ZNF704: variants seen among roughly 807,000 people sequenced by gnomAD.
ZNF704 encodes the protein zinc finger protein 704, also known as glucocorticoid induced gene 1.
Under a neutral mutation model 44.7 loss-of-function variants are expected in ZNF704, and 10 were observed. The ratio of observed to expected loss-of-function variants is 0.22; its 90% confidence interval spans 0.14 to 0.38. The LOEUF (loss-of-function observed/expected upper bound fraction) is 0.38, where lower values mean the gene tolerates loss of function less well. Ranked by LOEUF, ZNF704 falls within the 10% of genes least tolerant of loss-of-function variation. The pLI is 1.00. For missense variants in ZNF704, 390 were observed against 545.5 expected (o/e 0.71, Z 2.84); for synonymous variants, 211 against 207.6 (o/e 1.02, Z -0.14).
chr8:80,667,722 T>C (rs974561910), intron 5 of ZNF704, among the ~76,000 whole-genome samples: 3 of 152,140 alleles, frequency 2.0e-5, no homozygotes, highest in African/African-American at 7.2e-5. Context: ...GGAGCTGACG[T>C]TGTTGTGGCA....
intron 2 of ZNF704, among the ~76,000 whole-genome samples, chr8:80,769,676 T>C (rs928711870): frequency 1.3e-5 from 2 of 152,210 alleles, no homozygotes; most frequent in African/African-American, 4.8e-5. Context: ...TACATACTGC[T>C]ATCAGCATTT....
At chr8:80,726,724 A>G (rs766935531) in intron 2 of ZNF704, among the ~76,000 whole-genome samples, 2 of 152,162 alleles carry the variant, frequency 1.3e-5, no homozygotes, top group Non-Finnish European at 2.9e-5. Flanking sequence ...TTTCCGTAAC[A>G]ACAGGTAAAA....
Position 80,629,105 on chromosome 8 carries a change from C to A in ZNF704, c.*12261G>T, listed in dbSNP as rs1412492053. ...AAAACAATGGAAAGCAAAAGAAATT[C>A]AAAAAATTGTTTTAGAGAACAGCAT... On this transcript the variant is annotated 3_prime_UTR_variant, in exon 9 of 9. Transcript: ENST00000327835. 1 of 151,684 alleles carries A rather than the reference C, an allele frequency of 6.6e-6. No individual in the cohort carries two copies. The highest frequency in any genetic ancestry group is 1.5e-5 in the Non-Finnish European group (1 of 67,922). The allele number at this position is 151,684 out of a possible 1,614,324, so 9.4% of individuals were successfully genotyped here. A position where few individuals can be genotyped will look rare whatever the true frequency, so the allele number is the denominator to read the frequency against.
chr8:80,641,238 G>C lies in ZNF704; in HGVS notation c.*128C>G, dbSNP rs1350303288. The C allele has an allele frequency of 1.9e-6, 1 of 521,214 alleles. No homozygotes were observed. Among genetic ancestry groups the C allele is most frequent in the African/African-American group, 1.9e-5 (1 of 52,184 alleles). The allele number at this position is 521,214 out of a possible 1,614,324, so 32.3% of individuals were successfully genotyped here. A position where few individuals can be genotyped will look rare whatever the true frequency, so the allele number is the denominator to read the frequency against. Reference sequence around the variant, plus strand: ...GTGTTTTTGCTGTTATTCCTCCAAGGTTCCTGAAAGGGCTTTTCCTGGCTT... The same window carrying C: ...GTGTTTTTGCTGTTATTCCTCCAAGCTTCCTGAAAGGGCTTTTCCTGGCTT... On this transcript the variant is annotated 3_prime_UTR_variant, in exon 9 of 9. Transcript: ENST00000327835.
At chr8:80,856,760 T>C (rs576643836) in intron 1 of ZNF704, among the ~76,000 whole-genome samples, 76 of 152,330 alleles carry the variant, frequency 5.0e-4, no homozygotes, top group African/African-American at 1.8e-3. Context: ...TCTCACTGTA[T>C]AGTAAGTTCT....
intron 4 of ZNF704, among the ~76,000 whole-genome samples, chr8:80,680,481 G>T (rs1818436323): frequency 6.6e-6 from 1 of 151,900 alleles, no homozygotes. Context: ...GGACAGAGAG[G>T]GCCAAGTTAT....
At chr8:80,829,453 T>A (rs1808432781) in intron 1 of ZNF704, among the ~76,000 whole-genome samples, 1 of 152,214 alleles carries the variant, frequency 6.6e-6, no homozygotes. Flanking sequence ...AGTATTACGT[T>A]AATTAAATAT....
At chr8:80,771,283 T>A (rs2129659633) in intron 2 of ZNF704, among the ~76,000 whole-genome samples, 1 of 151,862 alleles carries the variant, frequency 6.6e-6, no homozygotes, top group Admixed American at 6.6e-5. Context: ...AACCTGTATA[T>A]ATTTTTGTGA....
chr8:80,789,528 G>A (rs960772701), intron 2 of ZNF704, among the ~76,000 whole-genome samples: 1 of 152,100 alleles, frequency 6.6e-6, no homozygotes, highest in Admixed American at 6.6e-5. Context: ...GGGAGGATAG[G>A]TTGAGGATAA....
At chr8:80,641,572 A>AGG (rs1817744704) in intron 8 of ZNF704, 95 bp from the exon 9 acceptor site, 1 of 474,392 alleles carries the variant, frequency 2.1e-6, no homozygotes, top group African/African-American at 2.1e-5. Flanking sequence ...GAGGGAGGAA[A>AGG]AAAAAAAAAA....
chr8:80,779,256 T>C (rs1467508865), intron 2 of ZNF704, among the ~76,000 whole-genome samples: 6 of 152,190 alleles, frequency 3.9e-5, no homozygotes, highest in Admixed American at 6.5e-5. Context: ...GGATGTGTCT[T>C]ATCTTCATTT....
intron 2 of ZNF704, among the ~76,000 whole-genome samples, chr8:80,814,607 C>A (rs556965921): frequency 6.6e-6 from 1 of 152,226 alleles, no homozygotes; most frequent in Non-Finnish European, 1.5e-5. Context: ...GGGAGTCCAC[C>A]AATTATACAG....
the ZNF704 span, among the ~76,000 whole-genome samples, chr8:80,884,389 C>A: frequency 6.6e-6 from 1 of 152,154 alleles, no homozygotes; most frequent in Admixed American, 6.5e-5. Flanking sequence ...TCCATATAAA[C>A]CCCATTATCC....
intron 1 of ZNF704, among the ~76,000 whole-genome samples, chr8:80,834,062 T>C (rs776264745): frequency 9.2e-5 from 14 of 151,960 alleles, no homozygotes; most frequent in African/African-American, 3.4e-4. Flanking sequence ...GGCACGGTGG[T>C]ATATGCCTGT....
intron 2 of ZNF704, among the ~76,000 whole-genome samples, chr8:80,708,932 T>C (rs1346975859): frequency 6.6e-6 from 1 of 152,122 alleles, no homozygotes; most frequent in Non-Finnish European, 1.5e-5. Context: ...GATAAGGAGT[T>C]AGCAAGCACA....
In ZNF704 at chr8:80,686,237, C is replaced by T. The variant is rs190767219; in HGVS notation, c.558+989G>A. 7.9e-4 allele frequency among the ~76,000 whole-genome samples: 120 copies of T among 152,278 alleles called. 1 individual carries two copies. Among genetic ancestry groups the T allele is most frequent in the African/African-American group, 2.7e-3 (114 of 41,536 alleles). On this transcript the variant is annotated intron_variant, in intron 4 of 8. Coordinates refer to ENST00000327835, the MANE Select transcript of ZNF704 (RefSeq NM_001033723.3). ...GCCTGACAGGGGCCAGTTAAATGTA[C>T]AATCAATCTCTCTGATCCTCAGTTT...
chr8:80,672,780 G>A (rs1224042922), intron 4 of ZNF704, among the ~76,000 whole-genome samples: 2 of 152,068 alleles, frequency 1.3e-5, no homozygotes, highest in Non-Finnish European at 1.5e-5. Context: ...ATAGGGAGTG[G>A]GGTAAGTGTT....
At chr8:80,742,354 C>T (rs1242529742) in intron 2 of ZNF704, among the ~76,000 whole-genome samples, 4 of 152,074 alleles carry the variant, frequency 2.6e-5, no homozygotes, top group Admixed American at 2.6e-4. Context: ...TGGCTAGCCA[C>T]GAAAGAAGGA....
chr8:80,833,789 G>A (rs946483848), intron 1 of ZNF704, among the ~76,000 whole-genome samples: 1 of 152,186 alleles, frequency 6.6e-6, no homozygotes, highest in Non-Finnish European at 1.5e-5. Flanking sequence ...CGAGACACCA[G>A]GTTGCACTGG....
Sources: allele counts gnomAD v4.1 joint callset (sites outside exome capture counted in the v4.1 genomes callset), GRCh38; gene constraint gnomAD v4.1.1; transcripts MANE v1.5; gene names NCBI Gene and HGNC (gene_info 2026-07-23, HGNC 2026-07-21).